GPHN: variants seen among roughly 807,000 people sequenced by gnomAD.
GPHN encodes gephyrin.
Under a neutral mutation model 95.5 loss-of-function variants are expected in GPHN, and 17 were observed. That is an observed-to-expected ratio of 0.18 (90% CI 0.12 to 0.27). The LOEUF (loss-of-function observed/expected upper bound fraction) is 0.27. Among genes scored for constraint, GPHN ranks in the 10% least tolerant of loss-of-function variants. GPHN has a pLI of 1.00. For synonymous variants in GPHN, 320 were observed against 322.5 expected (o/e 0.99, Z 0.08); for missense variants, 660 against 978.1 (o/e 0.67, Z 4.34).
In GPHN at chr14:66,765,176, A is replaced by G. The variant is rs148725611; in HGVS notation, c.144-11288A>G. Among the ~76,000 whole-genome samples the G allele has an allele frequency of 3.5e-3, 536 of 152,320 alleles. 1 individual carries two copies. The highest frequency in any genetic ancestry group is 6.0e-3 in the Non-Finnish European group (410 of 68,018). ...TCAAGTCAAAAAAGAACAGGTACTG[A>G]CAAGGTTGCACAGAAAAGGGAACAC... On this transcript the variant is annotated intron_variant, in intron 2 of 22. Transcript: ENST00000478722.
At chr14:67,381,613 G>A in the GPHN span, 1 of 1,613,248 alleles carries the variant, frequency 6.2e-7, no homozygotes, top group Non-Finnish European at 8.5e-7. Context: ...GGCTTGTTAT[G>A]GTTATGAAGG....
chr14:66,519,719 C>T (rs538103985), intron 1 of GPHN, among the ~76,000 whole-genome samples: 11 of 152,070 alleles, frequency 7.2e-5, no homozygotes, highest in Admixed American at 5.9e-4. Flanking sequence ...TCCTTCACTC[C>T]CTAACTCTGT....
At chr14:67,354,304 CAT>C in the GPHN span, among the ~76,000 whole-genome samples, 2 of 152,150 alleles carry the variant, frequency 1.3e-5, no homozygotes, top group Non-Finnish European at 2.9e-5. Context: ...ATGATGCCAA[CAT>C]AGTTTAAATA....
intron 2 of GPHN, among the ~76,000 whole-genome samples, chr14:66,737,081 T>A (rs1431807497): frequency 6.6e-6 from 1 of 152,234 alleles, no homozygotes; most frequent in South Asian, 2.1e-4. Context: ...TTACATTTTG[T>A]ACTTTTCTAG....
the GPHN span, chr14:67,651,446 A>G: frequency 6.2e-7 from 1 of 1,613,980 alleles, no homozygotes; most frequent in Non-Finnish European, 8.5e-7. Context: ...CTCCAGTAAG[A>G]TGATAATGGA....
the GPHN span, chr14:67,725,357 C>A: frequency 2.5e-6 from 3 of 1,210,220 alleles, no homozygotes; most frequent in South Asian, 1.3e-5. Context: ...ATCATCCACC[C>A]CACTAGACAG....
intron 8 of GPHN, among the ~76,000 whole-genome samples, chr14:66,948,052 A>T (rs1360308418): frequency 6.6e-6 from 1 of 152,174 alleles, no homozygotes; most frequent in Non-Finnish European, 1.5e-5. Flanking sequence ...AATAATGATA[A>T]TAGAGAATCA....
At chr14:67,277,880 T>C in the GPHN span, among the ~76,000 whole-genome samples, 2 of 152,254 alleles carry the variant, frequency 1.3e-5, no homozygotes, top group African/African-American at 4.8e-5. Flanking sequence ...TGGTCTTAAG[T>C]CATAAAACTA....
chr14:66,632,244 G>A (rs1034869986), intron 1 of GPHN, among the ~76,000 whole-genome samples: 1 of 152,116 alleles, frequency 6.6e-6, no homozygotes, highest in Non-Finnish European at 1.5e-5. Flanking sequence ...GCAAATGATA[G>A]TTCCCCTGTA....
At chr14:67,189,059 C>T in the GPHN span, among the ~76,000 whole-genome samples, 2 of 152,146 alleles carry the variant, frequency 1.3e-5, no homozygotes, top group Non-Finnish European at 2.9e-5. Context: ...TTCACAGAGG[C>T]TCAAAGTGCC....
chr14:67,724,651 G>A, the GPHN span: 738,313 of 1,217,524 alleles, frequency 0.61, 230,507 homozygotes, highest in Non-Finnish European at 0.65. Flanking sequence ...TCCCACTGGG[G>A]CCTCTGTCCA....
At chr14:66,846,354 G>A (rs986474223) in intron 4 of GPHN, among the ~76,000 whole-genome samples, 2 of 152,076 alleles carry the variant, frequency 1.3e-5, no homozygotes, top group Admixed American at 1.3e-4. Flanking sequence ...AGAAAGGTTG[G>A]GTAATCTGTA....
At chr14:67,600,127 C>A in the GPHN span, 2 of 1,596,384 alleles carry the variant, frequency 1.3e-6, no homozygotes, top group Admixed American at 3.5e-5. Context: ...GAATTCCCGG[C>A]AGGACGGGGA....
At chr14:67,039,110 C>G (rs141051848) in intron 10 of GPHN, among the ~76,000 whole-genome samples, 53 of 152,262 alleles carry the variant, frequency 3.5e-4, no homozygotes, top group Middle Eastern at 3.4e-3. Flanking sequence ...CTCCATTTTC[C>G]ATAGTACTAA....
chr14:67,283,831 G>A, the GPHN span, among the ~76,000 whole-genome samples: 3 of 152,124 alleles, frequency 2.0e-5, no homozygotes, highest in South Asian at 4.1e-4. Flanking sequence ...GACACAATAC[G>A]TTGAAACTTC....
chr14:67,292,748 C>G, the GPHN span: 1 of 1,552,676 alleles, frequency 6.4e-7, no homozygotes, highest in African/African-American at 1.4e-5. Flanking sequence ...TTGTTGATGT[C>G]TACAAGGTAA....
chr14:67,427,122 G>A, the GPHN span, among the ~76,000 whole-genome samples: 1 of 152,104 alleles, frequency 6.6e-6, no homozygotes, highest in Non-Finnish European at 1.5e-5. Context: ...TGTCACGCGG[G>A]GGAGGGAGGG....
the GPHN span, chr14:67,200,487 C>T: frequency 1.3e-5 from 5 of 374,870 alleles, no homozygotes; most frequent in East Asian, 2.7e-4. Context: ...GGAGGTATTT[C>T]TTTTTTATGT....
chr14:67,013,696 A>G (rs1334262188), intron 9 of GPHN, among the ~76,000 whole-genome samples: 1 of 152,006 alleles, frequency 6.6e-6, no homozygotes, highest in Non-Finnish European at 1.5e-5. Context: ...TAGAAAAATA[A>G]AGTCACAACT....
Sources: gnomAD v4.1 joint callset for allele counts (sites outside exome capture counted in the v4.1 genomes callset) on GRCh38, gnomAD v4.1.1 for gene constraint, MANE v1.5 for transcripts, NCBI Gene and HGNC (gene_info 2026-07-23, HGNC 2026-07-21) for gene names.